RBFOX1: variants seen among roughly 807,000 people sequenced by gnomAD.
The protein encoded by RBFOX1 is RNA binding protein fox-1 homolog 1.
In RBFOX1, 8 loss-of-function variants were observed where a neutral mutation model predicts 57.7. The ratio of observed to expected loss-of-function variants is 0.14; its 90% CI spans 0.08 to 0.25. The LOEUF is 0.25. Ranked by LOEUF, RBFOX1 falls within the 10% of genes least tolerant of loss-of-function variation. The pLI, the probability that RBFOX1 is intolerant of heterozygous loss-of-function variation, is 1.00. For synonymous variants in RBFOX1, 326 were observed against 222.4 expected, an observed-to-expected ratio of 1.47 and a Z score of -4.15; for missense variants, 611 against 548.5, an observed-to-expected ratio of 1.11 and a Z score of -1.14.
At chr16:7,482,469 AGTTGTTGTTGTT>A (rs139487781) in intron 4 of RBFOX1, among the ~76,000 whole-genome samples, 4 of 88,088 alleles carry the variant, frequency 4.5e-5, no homozygotes, top group African/African-American at 3.4e-4. Context: ...ATTTCATCCC[AGTTGTTGTTGTT>A]GTTGTTGTTG....
chr16:6,767,526 C>G (rs78330980), intron 3 of RBFOX1, among the ~76,000 whole-genome samples: 4,291 of 152,150 alleles, frequency 0.028, 83 homozygotes, highest in Non-Finnish European at 0.04. Context: ...TAATTTAAAA[C>G]CTCACCCCCA....
intron 3 of RBFOX1, among the ~76,000 whole-genome samples, chr16:6,888,649 A>T (rs542549032): frequency 1.3e-5 from 2 of 152,094 alleles, no homozygotes; most frequent in Admixed American, 1.3e-4. Flanking sequence ...GTCAGTATTT[A>T]TACTATTTCT....
intron 4 of RBFOX1, among the ~76,000 whole-genome samples, chr16:7,189,455 C>A (rs1048883423): frequency 2.1e-5 from 3 of 140,236 alleles, no homozygotes; most frequent in Non-Finnish European, 3.0e-5. Flanking sequence ...AAAAGGAATC[C>A]TCAATGGATA....
chr16:7,257,845 G>A (rs2094758504), intron 4 of RBFOX1, among the ~76,000 whole-genome samples: 1 of 152,240 alleles, frequency 6.6e-6, no homozygotes, highest in Admixed American at 6.5e-5. Flanking sequence ...TAAATTGGAA[G>A]TCCTTGCATT....
intron 4 of RBFOX1, among the ~76,000 whole-genome samples, chr16:7,266,397 T>C (rs1158669661): frequency 6.6e-6 from 1 of 152,214 alleles, no homozygotes; most frequent in Non-Finnish European, 1.5e-5. Context: ...GAAAGTCCCC[T>C]GAGGCTTCGC....
intron 4 of RBFOX1, among the ~76,000 whole-genome samples, chr16:7,446,766 T>G (rs2098811068): frequency 6.6e-6 from 1 of 151,136 alleles, no homozygotes; most frequent in South Asian, 2.1e-4. Flanking sequence ...AGCTCACGTT[T>G]TCCTATTTCT....
At chr16:6,599,581 CA>C (rs1319100398) in intron 2 of RBFOX1, among the ~76,000 whole-genome samples, 5 of 152,130 alleles carry the variant, frequency 3.3e-5, no homozygotes, top group African/African-American at 1.2e-4. Flanking sequence ...TTCTTACTTG[CA>C]AAAACTTGAT....
chr16:6,997,160 A>G (rs1404874427), intron 3 of RBFOX1, among the ~76,000 whole-genome samples: 1 of 152,116 alleles, frequency 6.6e-6, no homozygotes, highest in African/African-American at 2.4e-5. Flanking sequence ...TGTTAGCTGA[A>G]ATTAAATAGA....
At chr16:7,047,329 A>G (rs545779985) in intron 3 of RBFOX1, among the ~76,000 whole-genome samples, 3 of 152,220 alleles carry the variant, frequency 2.0e-5, no homozygotes, top group African/African-American at 4.8e-5. Flanking sequence ...TCAGTTGACA[A>G]TTATTTTTTC....
chr16:5,651,045 T>TCTCTTCCCTTCCTCTGGGAGAACAC (rs1567347831), intron 3 of RBFOX1, among the ~76,000 whole-genome samples: 2 of 65,692 alleles, frequency 3.0e-5, no homozygotes, highest in African/African-American at 1.4e-4. Context: ...TCCTTCTTTT[T>TCTCTTCCCTTCCTCTGGGAGAACAC]TTTTTTTTTT....
intron 3 of RBFOX1, among the ~76,000 whole-genome samples, chr16:5,832,434 A>G (rs1224005979): frequency 6.6e-6 from 1 of 152,238 alleles, no homozygotes; most frequent in Non-Finnish European, 1.5e-5. Context: ...GTTACTTGAC[A>G]TCTGTGTGCC....
At chr16:7,127,453 A>G (rs1380983812) in intron 4 of RBFOX1, among the ~76,000 whole-genome samples, 1 of 152,178 alleles carries the variant, frequency 6.6e-6, no homozygotes, top group African/African-American at 2.4e-5. Context: ...ATGTCAAGGT[A>G]GGGAGAAATA....
intron 3 of RBFOX1, among the ~76,000 whole-genome samples, chr16:6,851,888 T>C (rs1048816922): frequency 6.6e-6 from 1 of 151,670 alleles, no homozygotes; most frequent in African/African-American, 2.4e-5. Flanking sequence ...CTGTATTTTT[T>C]GGGGGGTTGG....
intron 1 of RBFOX1, among the ~76,000 whole-genome samples, chr16:6,287,231 G>T (rs1048906732): frequency 4.6e-5 from 7 of 152,084 alleles, no homozygotes; most frequent in African/African-American, 1.7e-4. Flanking sequence ...AAGTTGAAGT[G>T]GGTTAGGGGA....
At chr16:6,559,196 C>G (rs995148569) in intron 2 of RBFOX1, among the ~76,000 whole-genome samples, 4 of 152,026 alleles carry the variant, frequency 2.6e-5, no homozygotes, top group African/African-American at 7.2e-5. Flanking sequence ...CAAACACACA[C>G]TCACATAGTC....
intron 3 of RBFOX1, among the ~76,000 whole-genome samples, chr16:6,834,648 C>G (rs778715957): frequency 6.6e-6 from 1 of 152,114 alleles, no homozygotes; most frequent in African/African-American, 2.4e-5. Context: ...TGTTGTTACT[C>G]ATAAATGTCA....
chr16:5,893,374 C>G (rs550804534), intron 4 of RBFOX1, among the ~76,000 whole-genome samples: 143 of 152,230 alleles, frequency 9.4e-4, no homozygotes, highest in Non-Finnish European at 1.7e-3. Context: ...AGACTATAGT[C>G]AAAAACAATA....
rs142012969 is a variant in RBFOX1, at chr16:7,527,886, T to C, written c.270+9497T>C. On this transcript the variant is annotated intron_variant, in intron 5 of 15. Transcript: ENST00000550418. Reference sequence around the variant, plus strand: ...TTTATCCAGGAGAATACATTCATCATAAGAATTGTGAAATTTCCCGTTTCA... The same window carrying C: ...TTTATCCAGGAGAATACATTCATCACAAGAATTGTGAAATTTCCCGTTTCA... Among the ~76,000 whole-genome samples, 5 of 152,342 alleles carry C rather than the reference T, an allele frequency of 3.3e-5. No individual in the cohort carries two copies. The East Asian group carries it at 9.6e-4, about 29-fold the overall frequency.
intron 3 of RBFOX1, among the ~76,000 whole-genome samples, chr16:6,790,560 T>TC (rs2082750438): frequency 6.6e-6 from 1 of 152,142 alleles, no homozygotes; most frequent in Non-Finnish European, 1.5e-5. Context: ...TAGCCTCTAT[T>TC]CCCCCAAACC....
Sources: gnomAD v4.1 joint callset for allele counts (sites outside exome capture counted in the v4.1 genomes callset) on GRCh38, gnomAD v4.1.1 for gene constraint, MANE v1.5 for transcripts, NCBI Gene and HGNC (gene_info 2026-07-23, HGNC 2026-07-21) for gene names.